The following EYA3 variants were observed in gnomAD, a reference collection of about 807,000 sequenced individuals.
EYA3 encodes EYA transcriptional coactivator and phosphatase 3.
In EYA3, 39 loss-of-function variants were observed where a neutral mutation model predicts 80.0. That is an observed-to-expected ratio of 0.49 (90% CI 0.38 to 0.64). The LOEUF (loss-of-function observed/expected upper bound fraction) is 0.64. Among genes scored for constraint, EYA3 ranks in the 30% least tolerant of loss-of-function variants. EYA3 has a pLI of 0.00. For synonymous variants in EYA3, 206 were observed against 232.8 expected, an observed-to-expected ratio of 0.88 and a Z score of 1.05; for missense variants, 523 against 676.1, an observed-to-expected ratio of 0.77 and a Z score of 2.51.
intron 7 of EYA3, among the ~76,000 whole-genome samples, chr1:28,020,805 A>G (rs1039215928): frequency 1.3e-5 from 2 of 152,186 alleles, no homozygotes; most frequent in Admixed American, 6.5e-5. Context: ...AGAATCAAAT[A>G]AAACTCAAGT....
At chr1:27,979,723 C>T (rs1639175411) in intron 16 of EYA3, among the ~76,000 whole-genome samples, 1 of 152,188 alleles carries the variant, frequency 6.6e-6, no homozygotes, top group Non-Finnish European at 1.5e-5. Context: ...CCTTCTTGTT[C>T]TTTCCCCTTG....
intron 10 of EYA3, among the ~76,000 whole-genome samples, chr1:28,006,751 C>G (rs907778677): frequency 1.3e-5 from 2 of 151,794 alleles, no homozygotes; most frequent in African/African-American, 4.8e-5. Flanking sequence ...AAATCCATAA[C>G]TAGTACCACA....
intron 7 of EYA3, among the ~76,000 whole-genome samples, chr1:28,023,765 A>G (rs1320381603): frequency 6.6e-6 from 1 of 152,184 alleles, no homozygotes; most frequent in Admixed American, 6.5e-5. Context: ...AAACACAGGA[A>G]ATCTGAATAA....
chr1:28,045,930 A>T (rs1643987085), intron 3 of EYA3, among the ~76,000 whole-genome samples: 2 of 152,206 alleles, frequency 1.3e-5, no homozygotes, highest in Admixed American at 1.3e-4. Flanking sequence ...AGTATTATTG[A>T]GCCTTAAAAA....
At position 28,088,562 on chromosome 1, in the gene EYA3, C is replaced by T. The variant is rs1009147766; in HGVS notation, c.-107G>A. ...AAGCCCCACAACAGGACATGGAGAT[C>T]AGTCCAGACCCACAGTAGAACCAAT... On this transcript the variant is annotated 5_prime_UTR_variant, in exon 1 of 18. Coordinates refer to ENST00000373871, the MANE Select transcript of EYA3 (RefSeq NM_001990.4). 1 of 152,762 alleles carries T rather than the reference C, an allele frequency of 6.5e-6. No individual in the cohort carries two copies. Among genetic ancestry groups the T allele is most frequent in the African/African-American group, 2.4e-5 (1 of 41,466 alleles). 9.5% of individuals were successfully genotyped at this position (152,762 alleles called of 1,614,324 possible).
chr1:28,084,588 TATATATA>T (rs1449889689), intron 1 of EYA3, among the ~76,000 whole-genome samples: 59 of 17,614 alleles, frequency 3.3e-3, no homozygotes, highest in African/African-American at 6.0e-3. Flanking sequence ...TATATATATA[TATATATA>T]TTTTTTTTTT....
chr1:28,039,884 A>C lies in EYA3; in HGVS notation c.158-979T>G, dbSNP rs12126291. 2.4e-3 allele frequency among the ~76,000 whole-genome samples: 365 copies of C among 152,338 alleles called. 1 individual carries two copies. The highest frequency in any genetic ancestry group is 4.1e-3 in the Non-Finnish European group (281 of 68,032). On this transcript the variant is annotated intron_variant, in intron 4 of 17. Coordinates refer to ENST00000373871, the MANE Select transcript of EYA3 (RefSeq NM_001990.4). ...AAAATGAAGATGTCAATTAGATCTA[A>C]AGTTTTGACAATCCATTGCAAAGAA...
At chr1:28,015,508 G>T (rs1480289331) in intron 8 of EYA3, among the ~76,000 whole-genome samples, 4 of 152,102 alleles carry the variant, frequency 2.6e-5, no homozygotes, top group African/African-American at 9.7e-5. Context: ...TGGCCTGGGT[G>T]ACAGAGCGAG....
At chr1:27,981,981 G>A (rs1557522435) in intron 16 of EYA3, among the ~76,000 whole-genome samples, 1 of 151,350 alleles carries the variant, frequency 6.6e-6, no homozygotes, top group Non-Finnish European at 1.5e-5. Flanking sequence ...TAGGATTGTA[G>A]GTACAAGCCA....
intron 2 of EYA3, among the ~76,000 whole-genome samples, chr1:28,050,536 T>G (rs796621504): frequency 6.6e-6 from 1 of 152,202 alleles, no homozygotes; most frequent in African/African-American, 2.4e-5. Context: ...GAATTATGCT[T>G]CTTTACGCTC....
In EYA3 at chr1:27,970,808, C is replaced by T. The variant is rs1638699501; in HGVS notation, c.*3658G>A. ...CCTGCTTAAGAGGGACCCTAACTGC[C>T]TCCTTGAGGAGTAAGGAGTCAGAGG... On this transcript the variant is annotated 3_prime_UTR_variant, in exon 18 of 18. Transcript: ENST00000373871. 1 of 152,236 alleles carries T rather than the reference C, an allele frequency of 6.6e-6. No homozygotes were observed. The highest frequency in any genetic ancestry group is 2.4e-5 in the African/African-American group (1 of 41,446). The allele number at this position is 152,236 out of a possible 1,614,324, so 9.4% of individuals were successfully genotyped here.
chr1:28,047,874 C>T (rs1427508366), intron 3 of EYA3, among the ~76,000 whole-genome samples: 3 of 152,030 alleles, frequency 2.0e-5, no homozygotes, highest in Non-Finnish European at 4.4e-5. Flanking sequence ...CTCCTGACCT[C>T]GTGATCTGCC....
chr1:27,985,684 C>T lies in EYA3; in HGVS notation c.1540+2851G>A, dbSNP rs372798895. ...GCAACCTCCACCTCCCAGGTTCAAG[C>T]GATGCTCCTGCCTCAGCCTCCCGAG... On this transcript the variant is annotated intron_variant, in intron 16 of 17. Coordinates refer to ENST00000373871, the MANE Select transcript of EYA3 (RefSeq NM_001990.4). Among the ~76,000 whole-genome samples, 316 of 152,230 alleles carry T rather than the reference C, an allele frequency of 2.1e-3. 1 individual carries two copies. The highest frequency in any genetic ancestry group is 7.3e-3 in the African/African-American group (302 of 41,542).
At chr1:28,005,931 CTCG>C (rs1641236439) in intron 10 of EYA3, among the ~76,000 whole-genome samples, 1 of 151,774 alleles carries the variant, frequency 6.6e-6, no homozygotes, top group Admixed American at 6.6e-5. Flanking sequence ...CTGGTGAAAC[CTCG>C]TCTCTACTAA....
At chr1:28,049,178 C>T (rs1348131425) in intron 2 of EYA3, among the ~76,000 whole-genome samples, 2 of 151,992 alleles carry the variant, frequency 1.3e-5, no homozygotes, top group Non-Finnish European at 2.9e-5. Context: ...TTGAAGCAAG[C>T]GTATCAGGTG....
chr1:27,987,720 T>G (rs1164608264), intron 16 of EYA3, among the ~76,000 whole-genome samples: 6 of 152,202 alleles, frequency 3.9e-5, no homozygotes, highest in Non-Finnish European at 8.8e-5. Context: ...GGAGTCTCGC[T>G]CTGTCACCCA....
At chr1:28,039,557 A>C (rs148633330) in intron 4 of EYA3, among the ~76,000 whole-genome samples, 189 of 152,266 alleles carry the variant, frequency 1.2e-3, no homozygotes, top group Middle Eastern at 6.8e-3. Flanking sequence ...GACCCCCATG[A>C]CTTCATCTGG....
At chr1:27,983,673 T>C (rs994350231) in intron 16 of EYA3, among the ~76,000 whole-genome samples, 5 of 152,342 alleles carry the variant, frequency 3.3e-5, no homozygotes, top group Admixed American at 2.0e-4. Context: ...TCTTTTTCTT[T>C]TGAGATGGAG....
At chr1:28,034,965 T>C (rs480019) in intron 6 of EYA3, among the ~76,000 whole-genome samples, 2,081 of 152,258 alleles carry the variant, frequency 0.014, 50 homozygotes, top group African/African-American at 0.046. Flanking sequence ...TTCTGATAAA[T>C]CATTTTAATT....
Sources: allele counts gnomAD v4.1 joint callset (sites outside exome capture counted in the v4.1 genomes callset), GRCh38; gene constraint gnomAD v4.1.1; transcripts MANE v1.5; gene names NCBI Gene and HGNC (gene_info 2026-07-23, HGNC 2026-07-21).